The following ARAP2 variants were observed in gnomAD, a reference collection of about 807,000 sequenced individuals.
The protein encoded by ARAP2 is ArfGAP with RhoGAP domain, ankyrin repeat and PH domain 2, also known as arf-GAP with Rho-GAP domain, ANK repeat and PH domain-containing protein 2.
Under a neutral mutation model 194.5 loss-of-function variants are expected in ARAP2, and 148 were observed. The ratio of observed to expected loss-of-function variants is 0.76; its 90% CI spans 0.67 to 0.87. The LOEUF is 0.87. Among genes scored for constraint, ARAP2 ranks in the 40% least tolerant of loss-of-function variants. The probability of loss-of-function intolerance (pLI) is 0.00; values close to 1 mark genes in which losing one functional copy is unlikely to be tolerated. For synonymous variants in ARAP2, 695 were observed against 683.5 expected, an observed-to-expected ratio of 1.02 and a Z score of -0.26; for missense variants, 2,128 against 1,989.7, an observed-to-expected ratio of 1.07 and a Z score of -1.32.
At chr4:36,231,754 G>T (rs1193980651) in intron 1 of ARAP2, among the ~76,000 whole-genome samples, 1 of 151,876 alleles carries the variant, frequency 6.6e-6, no homozygotes, top group Admixed American at 6.6e-5. Context: ...CTAAAGCCTA[G>T]ACTGTATTCC....
At chr4:36,230,672 G>A (rs953417719) in intron 1 of ARAP2, among the ~76,000 whole-genome samples, 2 of 152,038 alleles carry the variant, frequency 1.3e-5, no homozygotes, top group East Asian at 1.9e-4. Context: ...TACATTGTGC[G>A]TCAATAAAAA....
chr4:36,139,315 T>C (rs527512650), intron 19 of ARAP2, among the ~76,000 whole-genome samples: 2 of 151,736 alleles, frequency 1.3e-5, no homozygotes, highest in Admixed American at 1.3e-4. Context: ...TGGTATGAAG[T>C]TGGTCGTAAT....
chr4:36,147,461 A>T, intron 18 of ARAP2, 87 bp downstream of exon 18: 2 of 1,561,152 alleles, frequency 1.3e-6, no homozygotes, highest in Non-Finnish European at 1.8e-6. Context: ...GTTTGGGAGT[A>T]AGCCATCAAG....
chr4:36,046,726 G>T (rs1721899407), exon 4 of ARAP2: 1 of 152,122 alleles, frequency 6.6e-6, no homozygotes, highest in Admixed American at 6.5e-5. Context: ...CAATAGGAAG[G>T]CAGAACAAGG....
chr4:36,148,287 G>C, intron 17 of ARAP2, 118 bp downstream of exon 17: 1 of 691,544 alleles, frequency 1.4e-6, no homozygotes, highest in Non-Finnish European at 2.3e-6. Context: ...ATCTAATGAA[G>C]TATGAACTTT....
rs1730169461 is a variant in ARAP2, at chr4:36,148,477, G to A, written c.2928C>T (p.Pro976=). 1.2e-6 allele frequency: 2 copies of A among 1,612,974 alleles called. No individual in the cohort carries two copies. Among genetic ancestry groups the A allele is most frequent in the Non-Finnish European group, 1.7e-6 (2 of 1,179,340 alleles). The change falls in exon 17 of 33, where the codon CCC becomes CCT. Residue 976 remains proline (P), a synonymous_variant. Transcript: ENST00000303965. ...CTCCAAATAAAAACACACGTTCGGA[G>A]GGTAAGTAGATCTCAAAGATAAAGA... is the stretch of plus-strand genomic sequence containing the variant. ...GPIFIFEIYL[P]SERVFLFGAE... is the part of the protein sequence containing the mutation.
intron 8 of ARAP2, among the ~76,000 whole-genome samples, chr4:36,183,441 C>T (rs953936027): frequency 6.6e-6 from 1 of 152,134 alleles, no homozygotes; most frequent in African/African-American, 2.4e-5. Flanking sequence ...AAGCACAGGG[C>T]CTGCAGGTGA....
chr4:36,209,284 A>C, intron 6 of ARAP2: 1 of 404,668 alleles, frequency 2.5e-6, no homozygotes, highest in Non-Finnish European at 4.9e-6. Context: ...CTGAATATGC[A>C]CTTACCAATA....
intron 26 of ARAP2, among the ~76,000 whole-genome samples, chr4:36,112,352 A>G (rs1455613751): frequency 6.6e-6 from 1 of 151,972 alleles, no homozygotes; most frequent in Admixed American, 6.6e-5. Context: ...TTTTAAACAA[A>G]TTATAAGACA....
intron 21 of ARAP2, among the ~76,000 whole-genome samples, chr4:36,126,297 C>A (rs528184474): frequency 7.9e-5 from 12 of 151,876 alleles, no homozygotes; most frequent in Non-Finnish European, 1.6e-4. Context: ...AACACTACTA[C>A]GCTTAAAACA....
chr4:36,171,150 G>A (rs1736524961), intron 9 of ARAP2, among the ~76,000 whole-genome samples: 1 of 152,190 alleles, frequency 6.6e-6, no homozygotes, highest in African/African-American at 2.4e-5. Flanking sequence ...TCAGTTTCGT[G>A]AGGGTTAAAT....
At chr4:36,036,801 T>C (rs1417684667) in intron 5 of ARAP2, among the ~76,000 whole-genome samples, 3 of 152,154 alleles carry the variant, frequency 2.0e-5, no homozygotes, top group Non-Finnish European at 4.4e-5. Flanking sequence ...ATTTATTTTC[T>C]CATGGGACAG....
chr4:36,171,858 T>C (rs1736733184), intron 9 of ARAP2, among the ~76,000 whole-genome samples: 1 of 152,142 alleles, frequency 6.6e-6, no homozygotes, highest in Admixed American at 6.5e-5. Context: ...GCATAATTTT[T>C]AAAAAATAGA....
chr4:36,050,222 A>G (rs922611859), intron 3 of ARAP2, among the ~76,000 whole-genome samples: 8 of 152,230 alleles, frequency 5.3e-5, no homozygotes, highest in Non-Finnish European at 1.2e-4. Context: ...CTAAATACAT[A>G]CAGCATGCTT....
chr4:36,057,683 TTTTA>T (rs1458105251), intron 2 of ARAP2, among the ~76,000 whole-genome samples: 5 of 152,134 alleles, frequency 3.3e-5, no homozygotes, highest in Non-Finnish European at 7.4e-5. Context: ...CTTCTAAAAT[TTTTA>T]TTTGATTTTT....
chr4:36,213,912 A>G (rs1441433422), intron 3 of ARAP2, among the ~76,000 whole-genome samples: 1 of 152,100 alleles, frequency 6.6e-6, no homozygotes, highest in Non-Finnish European at 1.5e-5. Flanking sequence ...TTGCATTTCT[A>G]CTCTGGCAAA....
At chr4:36,087,719 CTTAT>C (rs1440639105) in intron 28 of ARAP2, among the ~76,000 whole-genome samples, 1 of 152,070 alleles carries the variant, frequency 6.6e-6, no homozygotes, top group South Asian at 2.1e-4. Context: ...TTTGCATTTC[CTTAT>C]TTAAAAATGT....
intron 14 of ARAP2, 113 bp from the exon 15 acceptor site, chr4:36,158,977 CA>C: frequency 9.6e-7 from 1 of 1,037,940 alleles, no homozygotes; most frequent in Non-Finnish European, 1.3e-6. Flanking sequence ...TCAAATTTAC[CA>C]AAGAATAATT....
At chr4:36,053,756 G>A (rs1389262951) in intron 2 of ARAP2, among the ~76,000 whole-genome samples, 2 of 152,108 alleles carry the variant, frequency 1.3e-5, no homozygotes, top group Admixed American at 6.5e-5. Flanking sequence ...GTGTTTACTC[G>A]GGGAGTGAAT....
Sources: gnomAD v4.1 joint callset for allele counts (sites outside exome capture counted in the v4.1 genomes callset) on GRCh38, gnomAD v4.1.1 for gene constraint, MANE v1.5 for transcripts, NCBI Gene and HGNC (gene_info 2026-07-23, HGNC 2026-07-21) for gene names.